BMP6: variants seen among roughly 807,000 people sequenced by gnomAD.
BMP6 encodes VG-1-R.
BMP6 carries 17 observed loss-of-function variants against 54.1 expected under a neutral mutation model. The observed-to-expected ratio is 0.31, with a 90% CI of 0.22 to 0.47. The LOEUF (loss-of-function observed/expected upper bound fraction) is 0.47. BMP6 is among the 20% of genes least tolerant of loss of function. The probability of loss-of-function intolerance (pLI) is 1.00; values close to 1 mark genes in which losing one functional copy is unlikely to be tolerated. For missense variants in BMP6, 720 were observed against 690.4 expected (o/e 1.04, Z -0.48); for synonymous variants, 328 against 291.2 (o/e 1.13, Z -1.28).
chr6:7,757,354 T>A (rs1019593835), intron 1 of BMP6, among the ~76,000 whole-genome samples: 1 of 152,164 alleles, frequency 6.6e-6, no homozygotes. Flanking sequence ...TCTCTGAGCT[T>A]CTGGTGTTGC....
Position 7,880,433 on chromosome 6 carries a change from G to C in BMP6, c.*90G>C. 6.5e-7 allele frequency: 1 copy of C among 1,531,466 alleles called. No individual in the cohort carries two copies. Among genetic ancestry groups the C allele is most frequent in the Non-Finnish European group, 8.9e-7 (1 of 1,119,464 alleles). The allele number at this position is 1,531,466 out of a possible 1,614,324, so 94.9% of individuals were successfully genotyped here. A position where few individuals can be genotyped will look rare whatever the true frequency, so the allele number is the denominator to read the frequency against. Reference sequence around the variant, plus strand: ...AAACACGGAAGCACAGTTGGAGGTGGGACGATGAGACTTTGAAACTATCTC... The same window carrying C: ...AAACACGGAAGCACAGTTGGAGGTGCGACGATGAGACTTTGAAACTATCTC... On this transcript the variant is annotated 3_prime_UTR_variant, in exon 7 of 7. Coordinates refer to ENST00000283147, the MANE Select transcript of BMP6 (RefSeq NM_001718.6).
intron 1 of BMP6, among the ~76,000 whole-genome samples, chr6:7,746,228 G>C (rs1757345454): frequency 6.6e-6 from 1 of 152,192 alleles, no homozygotes; most frequent in African/African-American, 2.4e-5. Flanking sequence ...CAGGGGAAGA[G>C]ATTGCAAAGG....
At chr6:7,851,565 A>G (rs1319129631) in intron 2 of BMP6, among the ~76,000 whole-genome samples, 3 of 151,706 alleles carry the variant, frequency 2.0e-5, no homozygotes, top group Admixed American at 6.6e-5. Flanking sequence ...TCTATTTTTT[A>G]TTTCTCTTTT....
intron 1 of BMP6, among the ~76,000 whole-genome samples, chr6:7,789,502 TAGAAAAATGGAA>T (rs1443061376): frequency 6.6e-6 from 1 of 151,992 alleles, no homozygotes; most frequent in Non-Finnish European, 1.5e-5. Flanking sequence ...TAAACATGGG[TAGAAAAATGGAA>T]AGAAGAATGA....
rs1028106812 is a variant in BMP6, at chr6:7,728,594, T to G, written c.664+975T>G. On this transcript the variant is annotated intron_variant, in intron 1 of 6. Coordinates refer to ENST00000283147, the MANE Select transcript of BMP6 (RefSeq NM_001718.6). ...TTTTCTTCGGAGTCAGTGCCTCCGG[T>G]TTGCACTGCTTTTCATTCATAAGCT... Among the ~76,000 whole-genome samples, 3 of 152,120 alleles carry G rather than the reference T, an allele frequency of 2.0e-5. No homozygotes were observed. In the East Asian group the frequency reaches 5.8e-4, roughly 29 times the overall value.
Position 7,751,583 on chromosome 6 carries a change from T to G in BMP6, c.664+23964T>G, listed in dbSNP as rs75985100. Among the ~76,000 whole-genome samples, 16 of 152,354 alleles carry G rather than the reference T, an allele frequency of 1.1e-4. No homozygotes were observed. The East Asian group carries it at 3.1e-3, about 29-fold the overall frequency. ...CATTCTCTATAAGGTTGCAGAAAGA[T>G]CTGGCGATCTGGATTACACAGAAAC... On this transcript the variant is annotated intron_variant, in intron 1 of 6. Coordinates refer to ENST00000283147, the MANE Select transcript of BMP6 (RefSeq NM_001718.6).
At chr6:7,733,655 C>G (rs1298645557) in intron 1 of BMP6, among the ~76,000 whole-genome samples, 3 of 152,190 alleles carry the variant, frequency 2.0e-5, no homozygotes, top group Non-Finnish European at 4.4e-5. Flanking sequence ...TTATGTTGTT[C>G]TTATTTCCCT....
At chr6:7,747,028 C>T (rs1231080230) in intron 1 of BMP6, among the ~76,000 whole-genome samples, 1 of 152,214 alleles carries the variant, frequency 6.6e-6, no homozygotes, top group East Asian at 1.9e-4. Flanking sequence ...CTCCTCCTTT[C>T]TACCTTCTGA....
intron 1 of BMP6, among the ~76,000 whole-genome samples, chr6:7,765,209 C>T (rs761696522): frequency 6.6e-6 from 1 of 152,078 alleles, no homozygotes; most frequent in Non-Finnish European, 1.5e-5. Flanking sequence ...TTGGCTGGTG[C>T]AGGGATGCTG....
intron 1 of BMP6, among the ~76,000 whole-genome samples, chr6:7,735,677 A>T (rs1320784829): frequency 6.6e-6 from 1 of 152,124 alleles, no homozygotes; most frequent in African/African-American, 2.4e-5. Flanking sequence ...CCACAGGTGC[A>T]CAGACTCCTC....
intron 1 of BMP6, among the ~76,000 whole-genome samples, chr6:7,749,035 A>G (rs1282910001): frequency 1.3e-5 from 2 of 152,232 alleles, no homozygotes; most frequent in African/African-American, 2.4e-5. Context: ...TGATGCTACT[A>G]GTATTCTACC....
In BMP6 at chr6:7,806,971, A is replaced by G. The variant is rs190492129; in HGVS notation, c.665-38169A>G. On this transcript the variant is annotated intron_variant, in intron 1 of 6. Transcript: ENST00000283147. The stretch of plus-strand genomic sequence containing the variant: ...TACCATCGAAATGAAAGTTGTCCCT[A>G]GTTTTAATAACCTCCTGACAAGAGG... Among the ~76,000 whole-genome samples, 3 of 152,318 alleles carry G rather than the reference A, an allele frequency of 2.0e-5. No homozygotes were observed. In the East Asian group the frequency reaches 5.8e-4, roughly 29 times the overall value.
intron 1 of BMP6, among the ~76,000 whole-genome samples, chr6:7,743,221 AC>A (rs1277498345): frequency 6.6e-6 from 1 of 151,808 alleles, no homozygotes; most frequent in African/African-American, 2.4e-5. Flanking sequence ...TACTCCCTCT[AC>A]CCCCCTCCCA....
rs760250699 is a variant in BMP6 at position 7,727,390 on chromosome 6, C to G, written c.435C>G (p.Ala145=). The change falls in exon 1 of 7, where the codon GCC becomes GCG. Residue 145 remains alanine (A), a synonymous_variant. Transcript: ENST00000283147. ...TGGATCTGTACAACGCCCTGTCCGCCGACAACGACGAGGACGGGGCGTCGG... is the reference window on the plus strand; with the variant it reads ...TGGATCTGTACAACGCCCTGTCCGCGGACAACGACGAGGACGGGGCGTCGG... ...FMLDLYNALS[A]DNDEDGASEG... 35 of 1,607,748 alleles carry G rather than the reference C, an allele frequency of 2.2e-5. 1 individual carries two copies. Among genetic ancestry groups the G allele is most frequent in the Admixed American group, 1.5e-4 (9 of 59,630 alleles).
Position 7,727,464 on chromosome 6 carries a change from A to G in BMP6, c.509A>G (p.Gln170Arg). ...SWPHEAASSS[Q>R]RRQPPPGAAH... ...CCCCACGAAGCAGCCAGCTCGTCCCAGCGTCGGCAGCCGCCCCCGGGCGCC... is the reference window on the plus strand; with the variant it reads ...CCCCACGAAGCAGCCAGCTCGTCCCGGCGTCGGCAGCCGCCCCCGGGCGCC... Residue 170 changes from glutamine to arginine, a missense_variant, in exon 1 of 7, where the codon CAG (glutamine) becomes CGG (arginine). Physicochemically the swap from Gln to Arg is conservative, Grantham distance 43. This residue lies in a region of BMP6 where 650 missense variants were observed against 556.3 expected (regional missense o/e 1.17). Coordinates refer to ENST00000283147, the MANE Select transcript of BMP6 (RefSeq NM_001718.6). 9 of 1,596,352 alleles carry G rather than the reference A, an allele frequency of 5.6e-6. No individual in the cohort carries two copies. The highest frequency in any genetic ancestry group is 7.7e-6 in the Non-Finnish European group (9 of 1,175,178).
intron 2 of BMP6, among the ~76,000 whole-genome samples, chr6:7,847,137 A>G (rs1368267891): frequency 6.6e-6 from 1 of 152,216 alleles, no homozygotes; most frequent in African/African-American, 2.4e-5. Flanking sequence ...TACTTCCTCG[A>G]GGCCAGCAGT....
Position 7,727,546 on chromosome 6 carries a change from G to T in BMP6, c.591G>T (p.Ala197=). ...CCCCCGGATCTGGCAGCGGCGGCGCGTCCCCACTGACCAGCGCGCAGGACA... is the reference window on the plus strand; with the variant it reads ...CCCCCGGATCTGGCAGCGGCGGCGCTTCCCCACTGACCAGCGCGCAGGACA... The part of the protein sequence containing the change: ...LLAPGSGSGG[A]SPLTSAQDSA... Residue 197 remains alanine (A), a synonymous_variant, in exon 1 of 7, where the codon GCG becomes GCT. Transcript: ENST00000283147. The T allele has an allele frequency of 1.3e-6, 2 of 1,594,854 alleles. No individual in the cohort carries two copies. Among genetic ancestry groups the T allele is most frequent in the Non-Finnish European group, 1.7e-6 (2 of 1,177,740 alleles).
intron 1 of BMP6, among the ~76,000 whole-genome samples, chr6:7,820,782 T>C (rs1206433733): frequency 6.6e-6 from 1 of 152,204 alleles, no homozygotes; most frequent in African/African-American, 2.4e-5. Context: ...ACCAGTTTTG[T>C]AGAAGATCAT....
intron 1 of BMP6, among the ~76,000 whole-genome samples, chr6:7,836,814 G>A (rs767318799): frequency 6.6e-6 from 1 of 152,192 alleles, no homozygotes; most frequent in Non-Finnish European, 1.5e-5. Flanking sequence ...GTTTAGCTCA[G>A]TCTTTGTATT....
Sources: gnomAD v4.1 joint callset for allele counts (sites outside exome capture counted in the v4.1 genomes callset) on GRCh38, gnomAD v4.1.1 for gene constraint, gnomAD v4.1.1 regional missense constraint, MANE v1.5 for transcripts, NCBI Gene and HGNC (gene_info 2026-07-23, HGNC 2026-07-21) for gene names.